PAFAH1B1: variants seen among roughly 807,000 people sequenced by gnomAD.
The protein encoded by PAFAH1B1 is platelet-activating factor acetylhydrolase IB subunit beta.
In PAFAH1B1, 2 loss-of-function variants were observed where a neutral mutation model predicts 57.5. The ratio of observed to expected loss-of-function variants is 0.03; its 90% confidence interval spans 0.01 to 0.11. The LOEUF is 0.11. Among genes scored for constraint, PAFAH1B1 ranks in the 10% least tolerant of loss-of-function variants. PAFAH1B1 has a pLI of 1.00. For synonymous variants in PAFAH1B1, 152 were observed against 169.6 expected (o/e 0.90, Z 0.81); for missense variants, 257 against 512.0 (o/e 0.50, Z 4.81).
At chr17:2,665,968 G>C in intron 3 of PAFAH1B1, 48 bp from the exon 4 acceptor site, 2 of 1,379,796 alleles carry the variant, frequency 1.4e-6, no homozygotes, top group Non-Finnish European at 2.0e-6. Context: ...TTGTCTTGAG[G>C]ATCATAGTTA....
chr17:2,604,028 G>A (rs891164133), intron 1 of PAFAH1B1, among the ~76,000 whole-genome samples: 1 of 147,606 alleles, frequency 6.8e-6, no homozygotes. Flanking sequence ...GAGCCATCGC[G>A]CCTGGCCAGA....
intron 2 of PAFAH1B1, 137 bp from the exon 3 acceptor site, chr17:2,665,235 T>TG: frequency 1.5e-6 from 1 of 652,878 alleles, no homozygotes; most frequent in Non-Finnish European, 2.7e-6. Context: ...TCCTTTTTAA[T>TG]GAAATACTTG....
intron 2 of PAFAH1B1, among the ~76,000 whole-genome samples, chr17:2,651,584 C>CAA (rs572952878): frequency 2.8e-5 from 3 of 107,298 alleles, no homozygotes; most frequent in East Asian, 2.6e-4. Flanking sequence ...GACTCCATCT[C>CAA]AAAAAAAAAA....
chr17:2,672,472 T>G (rs912811036), intron 6 of PAFAH1B1, among the ~76,000 whole-genome samples, 183 bp from the exon 7 acceptor site: 5 of 152,110 alleles, frequency 3.3e-5, no homozygotes. Flanking sequence ...GGGTTGTTGT[T>G]TTACTGATTT....
chr17:2,613,332 C>A, intron 1 of PAFAH1B1: 1 of 241,394 alleles, frequency 4.1e-6, no homozygotes, highest in East Asian at 8.7e-5. Context: ...GCCAAGGTCC[C>A]ATTTTCTTGC....
chr17:2,638,120 G>T lies in PAFAH1B1; in HGVS notation c.-169G>T, dbSNP rs1345150517. ...TTAGGTGGAATGAATCTTACTTGTT[G>T]AATATCTTCTGGTTACTAGTTGGAT... is the stretch of plus-strand genomic sequence containing the variant. On this transcript the variant is annotated 5_prime_UTR_variant, in exon 2 of 11. The change abolishes the stop of an existing upstream ORF in the 5' untranslated region. Coordinates refer to ENST00000397195, the MANE Select transcript of PAFAH1B1 (RefSeq NM_000430.4). The T allele has an allele frequency of 1.3e-5, 7 of 545,504 alleles. No individual in the cohort carries two copies. The highest frequency in any genetic ancestry group is 2.0e-5 in the Non-Finnish European group (6 of 302,096). 33.8% of individuals were successfully genotyped at this position (545,504 alleles called of 1,614,324 possible). A position where few individuals can be genotyped will look rare whatever the true frequency, so the allele number is the denominator to read the frequency against.
intron 1 of PAFAH1B1, 115 bp downstream of exon 1, chr17:2,594,121 C>G (rs2068056202): frequency 2.5e-6 from 1 of 395,466 alleles, no homozygotes; most frequent in African/African-American, 2.1e-5. Flanking sequence ...CCCTCCCATT[C>G]TCCCCTCCCC....
intron 10 of PAFAH1B1, 37 bp from the exon 11 acceptor site, chr17:2,681,692 G>A (rs200835223): frequency 1.5e-4 from 229 of 1,522,578 alleles, no homozygotes; most frequent in Non-Finnish European, 2.0e-4. Context: ...CCAGGCTTAC[G>A]TGTGAGTTTT....
At chr17:2,618,369 T>C (rs890083774) in intron 1 of PAFAH1B1, among the ~76,000 whole-genome samples, 31 of 152,204 alleles carry the variant, frequency 2.0e-4, no homozygotes, top group Non-Finnish European at 2.9e-5. Context: ...AGTTAATCTT[T>C]TGATAAATTT....
chr17:2,634,249 G>A (rs2068594078), intron 1 of PAFAH1B1, among the ~76,000 whole-genome samples: 1 of 152,078 alleles, frequency 6.6e-6, no homozygotes, highest in African/African-American at 2.4e-5. Context: ...CGATTCTCCT[G>A]CCTCAGCCTC....
intron 1 of PAFAH1B1, among the ~76,000 whole-genome samples, chr17:2,616,938 T>C (rs912828370): frequency 1.0e-4 from 15 of 148,532 alleles, no homozygotes; most frequent in Non-Finnish European, 1.8e-4. Flanking sequence ...CCGGACCTGG[T>C]GGCGAGCGTC....
chr17:2,670,237 C>A lies in PAFAH1B1; in HGVS notation c.474C>A (p.Phe158Leu). 1 of 1,614,006 alleles carries A rather than the reference C, an allele frequency of 6.2e-7. No individual in the cohort carries two copies. The highest frequency in any genetic ancestry group is 2.2e-5 in the East Asian group (1 of 44,880). ...CAGACTCTGTACAGGACATTTCATTCGACCACAGCGGCAAGCTTCTGGCTT... is the reference window on the plus strand; with the variant it reads ...CAGACTCTGTACAGGACATTTCATTAGACCACAGCGGCAAGCTTCTGGCTT... ...GHTDSVQDIS[F>L]DHSGKLLASC... The change falls in exon 6 of 11, where the codon TTC becomes TTA. Residue 158 changes from phenylalanine to leucine, a missense_variant. Transcript: ENST00000397195.
At position 2,680,114 on chromosome 17, in the gene PAFAH1B1, A is replaced by G. The variant is rs776581752; in HGVS notation, c.1003-50A>G. 8.6e-6 allele frequency: 13 copies of G among 1,508,386 alleles called. No individual in the cohort carries two copies. In the South Asian group the frequency reaches 1.1e-4, roughly 13 times the overall value. The allele number at this position is 1,508,386 out of a possible 1,614,324, so 93.4% of individuals were successfully genotyped here. ...TTTATCGTATTATGAAATAGATGCTATTTAAACATTTTGCCTTTTACTGAG... is the reference window on the plus strand; with the variant it reads ...TTTATCGTATTATGAAATAGATGCTGTTTAAACATTTTGCCTTTTACTGAG... On this transcript the variant is annotated intron_variant, in intron 9 of 10. Coordinates refer to ENST00000397195, the MANE Select transcript of PAFAH1B1 (RefSeq NM_000430.4).
At chr17:2,677,005 T>C (rs1406224720) in intron 9 of PAFAH1B1, among the ~76,000 whole-genome samples, 3 of 152,080 alleles carry the variant, frequency 2.0e-5, no homozygotes. Flanking sequence ...TACAAAAAAT[T>C]AGCTGGGCGT....
intron 2 of PAFAH1B1, among the ~76,000 whole-genome samples, chr17:2,647,184 T>C (rs1262812491): frequency 6.6e-6 from 1 of 152,110 alleles, no homozygotes; most frequent in Non-Finnish European, 1.5e-5. Flanking sequence ...AGCCCTTCTC[T>C]ACTAAAAATA....
chr17:2,649,182 A>C lies in PAFAH1B1; in HGVS notation c.32+10862A>C, dbSNP rs928052798. On this transcript the variant is annotated intron_variant, in intron 2 of 10. Coordinates refer to ENST00000397195, the MANE Select transcript of PAFAH1B1 (RefSeq NM_000430.4). ...CAGTGAGGCGAGATCATGCCACTGC[A>C]CTCCAGCCTGGGCAACAAAGCAAGA... Among the ~76,000 whole-genome samples, 26 of 149,222 alleles carry C rather than the reference A, an allele frequency of 1.7e-4. No homozygotes were observed. In the East Asian group the frequency reaches 4.7e-3, roughly 27 times the overall value.
chr17:2,612,099 G>A (rs572233845), intron 1 of PAFAH1B1, among the ~76,000 whole-genome samples: 58 of 152,008 alleles, frequency 3.8e-4, no homozygotes, highest in Middle Eastern at 3.4e-3. Flanking sequence ...TTGGTGTGAC[G>A]ATTTAAAAGG....
chr17:2,600,502 G>A (rs573537305), intron 1 of PAFAH1B1, among the ~76,000 whole-genome samples: 20 of 148,804 alleles, frequency 1.3e-4, no homozygotes, highest in African/African-American at 4.7e-4. Flanking sequence ...CCCGGGAGGC[G>A]GAGGTTGCAG....
At chr17:2,674,897 C>T (rs2069239398) in intron 8 of PAFAH1B1, among the ~76,000 whole-genome samples, 1 of 152,192 alleles carries the variant, frequency 6.6e-6, no homozygotes, top group Admixed American at 6.5e-5. Context: ...CCTAGCTACT[C>T]AGGAGGCTGA....
Sources: gnomAD v4.1 joint callset for allele counts (sites outside exome capture counted in the v4.1 genomes callset) on GRCh38, gnomAD v4.1.1 for gene constraint, MANE v1.5 for transcripts, NCBI Gene and HGNC (gene_info 2026-07-23, HGNC 2026-07-21) for gene names.